The following TRPV1 variants were observed in gnomAD, a reference collection of about 807,000 sequenced individuals.
The protein encoded by TRPV1 is transient receptor potential cation channel subfamily V member 1.
In TRPV1, 82 loss-of-function variants were observed where a neutral mutation model predicts 82.3. That is an observed-to-expected ratio of 1.00 (90% CI 0.83 to 1.20). The LOEUF (loss-of-function observed/expected upper bound fraction) is 1.20, where lower values mean the gene tolerates loss of function less well. Among genes scored for constraint, TRPV1 ranks in the 50% most tolerant of loss-of-function variants. TRPV1 has a pLI of 0.00. For missense variants in TRPV1, 1,067 were observed against 1,096.8 expected (o/e 0.97, Z 0.38); for synonymous variants, 515 against 467.7 (o/e 1.10, Z -1.30).
At chr17:3,576,778 G>GGCAGA (rs2074937969) in intron 13 of TRPV1, among the ~76,000 whole-genome samples, 1 of 145,352 alleles carries the variant, frequency 6.9e-6, no homozygotes, top group Non-Finnish European at 1.5e-5. Context: ...GAACCCAGGA[G>GGCAGA]GCAGAGGTTG....
At chr17:3,567,900 C>T (rs2074791519) in intron 16 of TRPV1, among the ~76,000 whole-genome samples, 1 of 152,180 alleles carries the variant, frequency 6.6e-6, no homozygotes, top group Non-Finnish European at 1.5e-5. Context: ...TTATAAATAT[C>T]ACAGTGAATG....
chr17:3,579,765 T>C (rs1597524062), intron 11 of TRPV1, among the ~76,000 whole-genome samples: 1 of 152,160 alleles, frequency 6.6e-6, no homozygotes, highest in Admixed American at 6.6e-5. Flanking sequence ...CGTGAGCCAC[T>C]GCGCCCGGCC....
At chr17:3,601,605 CTTT>C (rs541864141) in intron 2 of TRPV1, among the ~76,000 whole-genome samples, 1 of 148,302 alleles carries the variant, frequency 6.7e-6, no homozygotes, top group African/African-American at 2.5e-5. Flanking sequence ...CATTTCTCAC[CTTT>C]TTTTTTTAAA....
intron 2 of TRPV1, among the ~76,000 whole-genome samples, chr17:3,605,224 T>A (rs1051324436): frequency 2.0e-5 from 3 of 152,058 alleles, no homozygotes; most frequent in African/African-American, 7.2e-5. Context: ...CTAGATTAAA[T>A]GAGGCCTGGC....
At chr17:3,575,974 C>T (rs958571305) in intron 13 of TRPV1, among the ~76,000 whole-genome samples, 4 of 152,088 alleles carry the variant, frequency 2.6e-5, no homozygotes. Context: ...CCCTGTCATC[C>T]TAGCACTTTG....
At chr17:3,606,777 A>G (rs2075298576) in intron 2 of TRPV1, among the ~76,000 whole-genome samples, 1 of 152,180 alleles carries the variant, frequency 6.6e-6, no homozygotes. Context: ...GAGTGAATGC[A>G]TAGTCTGGAA....
At chr17:3,576,651 G>GAAAAA (rs1320916455) in intron 13 of TRPV1, among the ~76,000 whole-genome samples, 1 of 10,760 alleles carries the variant, frequency 9.3e-5, no homozygotes, top group Non-Finnish European at 7.5e-4. Flanking sequence ...GACTCTGTAT[G>GAAAAA]AGAAAAAAAA....
intron 2 of TRPV1, among the ~76,000 whole-genome samples, chr17:3,594,541 G>A (rs955048041): frequency 6.6e-6 from 1 of 152,120 alleles, no homozygotes; most frequent in Non-Finnish European, 1.5e-5. Context: ...CAGGACGGAC[G>A]GCTGGCTACT....
chr17:3,567,401 G>GA (rs1555548078), intron 16 of TRPV1, among the ~76,000 whole-genome samples: 89 of 145,802 alleles, frequency 6.1e-4, no homozygotes, highest in African/African-American at 1.6e-3. Context: ...AGAAGAAGAA[G>GA]AAGAAAGAAA....
intron 16 of TRPV1, among the ~76,000 whole-genome samples, chr17:3,570,160 G>C (rs905048920): frequency 1.2e-4 from 18 of 152,124 alleles, no homozygotes; most frequent in African/African-American, 4.1e-4. Flanking sequence ...GATGACCTGA[G>C]GTCAGGAGAC....
intron 8 of TRPV1, among the ~76,000 whole-genome samples, chr17:3,587,034 C>T (rs1040218967): frequency 1.3e-5 from 2 of 152,298 alleles, no homozygotes; most frequent in East Asian, 3.9e-4. Context: ...ACTAGTGGTC[C>T]TGGCTCTGCC....
In TRPV1 at chr17:3,589,925, A is replaced by C. The variant is rs745459272; in HGVS notation, c.926T>G (p.Met309Arg). 2 of 1,585,442 alleles carry C rather than the reference A, an allele frequency of 1.3e-6. No homozygotes were observed. Among genetic ancestry groups the C allele is most frequent in the South Asian group, 2.3e-5 (2 of 87,300 alleles). ...CCCCAGCATCAGAATCTCATTGTACATGCTCGTCACAAACTTCGTGTTGTC... is the reference window on the plus strand; with the variant it reads ...CCCCAGCATCAGAATCTCATTGTACCTGCTCGTCACAAACTTCGTGTTGTC... The part of the protein sequence containing the change: ...TADNTKFVTS[M>R]YNEILMLGAK... Residue 309 changes from methionine (M) to arginine (R), a missense_variant, in exon 7 of 17, where the codon ATG (methionine) becomes AGG (arginine). Coordinates refer to ENST00000572705, the MANE Select transcript of TRPV1 (RefSeq NM_080704.4).
chr17:3,599,632 C>CTTTTTTTTTT (rs34701684), intron 2 of TRPV1, among the ~76,000 whole-genome samples: 2 of 141,564 alleles, frequency 1.4e-5, no homozygotes, highest in African/African-American at 5.3e-5. Flanking sequence ...TTTTTCTTTT[C>CTTTTTTTTTT]TTTTTTTTTT....
At chr17:3,567,369 C>CAAAAAAAAAAAA (rs56391405) in intron 16 of TRPV1, among the ~76,000 whole-genome samples, 1 of 52,796 alleles carries the variant, frequency 1.9e-5, no homozygotes, top group African/African-American at 7.4e-5. Context: ...AACTCCGTCT[C>CAAAAAAAAAAAA]AAAAAAAAAA....
intron 9 of TRPV1, among the ~76,000 whole-genome samples, chr17:3,584,411 A>AG (rs2075058706): frequency 1.9e-5 from 1 of 52,938 alleles, no homozygotes; most frequent in Admixed American, 2.0e-4. Context: ...TCAAAAAAAA[A>AG]AAAAATAAAA....
rs117224591 is a variant in TRPV1 at position 3,602,796 on chromosome 17, T to A, written c.-34+5631A>T. ...TTGACACTGGCCATCGGAGACAAAT[T>A]TCTTTTCTTCACTCACCTGGGTTCC... On this transcript the variant is annotated intron_variant, in intron 2 of 16. Transcript: ENST00000572705. Among the ~76,000 whole-genome samples the A allele has an allele frequency of 9.6e-4, 146 of 152,314 alleles. 6 individuals are homozygous for A. In the East Asian group the frequency reaches 0.023, roughly 24 times the overall value.
Position 3,589,797 on chromosome 17 carries a change from C to A in TRPV1, c.1044+10G>T. 6.2e-7 allele frequency: 1 copy of A among 1,603,662 alleles called. No homozygotes were observed. Among genetic ancestry groups the A allele is most frequent in the South Asian group, 1.1e-5 (1 of 88,778 alleles). On this transcript the variant is annotated intron_variant, in intron 7 of 16. Coordinates refer to ENST00000572705, the MANE Select transcript of TRPV1 (RefSeq NM_080704.4). ...GCACCGCACCAGCCTGAGCCGAAGC[C>A]CCCTCTTACCCCGATCTTCCCGGTC... is the stretch of plus-strand genomic sequence containing the variant.
At position 3,592,377 on chromosome 17, in the gene TRPV1, G is replaced by T. The variant is rs201260902; in HGVS notation, c.-27C>A. The T allele has an allele frequency of 5.7e-6, 9 of 1,568,154 alleles. No individual in the cohort carries two copies. Among genetic ancestry groups the T allele is most frequent in the Admixed American group, 3.7e-5 (2 of 54,012 alleles). On this transcript the variant is annotated 5_prime_UTR_variant, in exon 3 of 17. Coordinates refer to ENST00000572705, the MANE Select transcript of TRPV1 (RefSeq NM_080704.4). ...CTTGCTGGATCCTCTGTGGCCCAGT[G>T]TGCAACCTGCAGCAGCCACCACGCC... is the stretch of plus-strand genomic sequence containing the variant.
chr17:3,569,232 G>A (rs1309624273), intron 16 of TRPV1, among the ~76,000 whole-genome samples: 12 of 152,094 alleles, frequency 7.9e-5, no homozygotes, highest in African/African-American at 2.2e-4. Flanking sequence ...AAACCTGCAC[G>A]TTGTGCACAT....
Sources: gnomAD v4.1 joint callset for allele counts (sites outside exome capture counted in the v4.1 genomes callset) on GRCh38, gnomAD v4.1.1 for gene constraint, MANE v1.5 for transcripts, NCBI Gene and HGNC (gene_info 2026-07-23, HGNC 2026-07-21) for gene names.